The following CACNA1D variants were observed in gnomAD, a reference collection of about 807,000 sequenced individuals.
CACNA1D encodes calcium voltage-gated channel subunit alpha1 D.
CACNA1D carries 55 observed loss-of-function variants against 257.1 expected under a neutral mutation model. The ratio of observed to expected loss-of-function variants is 0.21; its 90% CI spans 0.17 to 0.27. The LOEUF (loss-of-function observed/expected upper bound fraction) is 0.27. Ranked by LOEUF, CACNA1D falls within the 10% of genes least tolerant of loss-of-function variation. The probability of loss-of-function intolerance (pLI) is 1.00; values close to 1 mark genes in which losing one functional copy is unlikely to be tolerated. For missense variants in CACNA1D, 1,876 were observed against 2,784.0 expected, an observed-to-expected ratio of 0.67 and a Z score of 7.34; for synonymous variants, 980 against 1,014.9, an observed-to-expected ratio of 0.97 and a Z score of 0.65.
At chr3:53,596,499 A>G (rs770768703) in intron 3 of CACNA1D, among the ~76,000 whole-genome samples, 3 of 152,166 alleles carry the variant, frequency 2.0e-5, no homozygotes, top group Non-Finnish European at 4.4e-5. Context: ...ACATGGCAAA[A>G]GGGATGTTGC....
chr3:53,563,100 T>G (rs2092769528), intron 3 of CACNA1D, among the ~76,000 whole-genome samples: 1 of 152,204 alleles, frequency 6.6e-6, no homozygotes, highest in Non-Finnish European at 1.5e-5. Flanking sequence ...TATTTAAAGT[T>G]TAACTCAAGA....
intron 3 of CACNA1D, among the ~76,000 whole-genome samples, chr3:53,640,671 G>T (rs560514128): frequency 1.3e-5 from 2 of 152,316 alleles, no homozygotes; most frequent in South Asian, 4.1e-4. Context: ...GTGCTCAATT[G>T]TTTGTTGATA....
chr3:53,579,896 G>A (rs931201433), intron 3 of CACNA1D, among the ~76,000 whole-genome samples: 7 of 152,270 alleles, frequency 4.6e-5, no homozygotes, highest in Admixed American at 4.6e-4. Context: ...TGTGCTGAGT[G>A]TCTTGGAACT....
intron 3 of CACNA1D, among the ~76,000 whole-genome samples, chr3:53,551,762 C>T (rs1473963900): frequency 6.6e-6 from 1 of 152,216 alleles, no homozygotes; most frequent in Non-Finnish European, 1.5e-5. Context: ...AGGCTGGACT[C>T]CTACCTAACA....
At chr3:53,756,247 A>G (rs531841084) in intron 29 of CACNA1D, among the ~76,000 whole-genome samples, 2 of 152,360 alleles carry the variant, frequency 1.3e-5, no homozygotes, top group South Asian at 4.1e-4. Context: ...GACTTATTTT[A>G]TGTAAGGGAG....
At chr3:53,595,358 C>T (rs1228471723) in intron 3 of CACNA1D, among the ~76,000 whole-genome samples, 1 of 152,158 alleles carries the variant, frequency 6.6e-6, no homozygotes, top group Admixed American at 6.5e-5. Context: ...TTTGGAAGAA[C>T]AGGATGGACA....
chr3:53,497,411 A>G lies in CACNA1D; in HGVS notation c.327A>G (p.Leu109=), dbSNP rs1194537262. ...GACCTGCCCGCGCCCTTTTCTGTTT[A>G]TCACTCAATAACCCCATCCGAAGAG... ...NSRPARALFC[L]SLNNPIRRAC... is the part of the protein sequence containing the mutation. The change falls in exon 2 of 48, where the codon TTA becomes TTG. Residue 109 remains leucine (L), a synonymous_variant. Transcript: ENST00000350061. 1.9e-6 allele frequency: 3 copies of G among 1,614,118 alleles called. No homozygotes were observed. In the African/African-American group the frequency reaches 4.0e-5, roughly 22 times the overall value.
At chr3:53,727,657 T>TTTCCC (rs2094949008) in intron 15 of CACNA1D, among the ~76,000 whole-genome samples, 1 of 152,006 alleles carries the variant, frequency 6.6e-6, no homozygotes, top group Non-Finnish European at 1.5e-5. Flanking sequence ...GTTCTCGGTG[T>TTTCCC]TTTATCTCCA....
chr3:53,687,837 C>CATTAAAGA (rs2094486510), intron 8 of CACNA1D, among the ~76,000 whole-genome samples: 1 of 152,072 alleles, frequency 6.6e-6, no homozygotes, highest in African/African-American at 2.4e-5. Context: ...AGTAAGTACA[C>CATTAAAGA]ATTAAAGATG....
intron 8 of CACNA1D, among the ~76,000 whole-genome samples, chr3:53,696,783 A>G (rs181500681): frequency 1.3e-5 from 2 of 152,168 alleles, no homozygotes; most frequent in Non-Finnish European, 2.9e-5. Context: ...TAAGGTGTGC[A>G]TTTATAGGAT....
At chr3:53,667,340 T>TG (rs3836508) in intron 7 of CACNA1D, among the ~76,000 whole-genome samples, 59,405 of 152,052 alleles carry the variant, frequency 0.39, 12,580 homozygotes, top group African/African-American at 0.57. Flanking sequence ...AGAATGCAAA[T>TG]AAAGCTCACA....
At chr3:53,665,587 G>C (rs577311081) in intron 5 of CACNA1D, 73 bp from the exon 6 acceptor site, 3 of 1,160,950 alleles carry the variant, frequency 2.6e-6, no homozygotes, top group African/African-American at 3.0e-5. Flanking sequence ...AGGAGGCATG[G>C]TTAGGAATTA....
intron 3 of CACNA1D, among the ~76,000 whole-genome samples, chr3:53,554,991 GATA>G: frequency 6.6e-6 from 1 of 152,270 alleles, no homozygotes; most frequent in East Asian, 1.9e-4. Context: ...CATTGTGAAT[GATA>G]ATATCATTTT....
At chr3:53,620,456 A>G (rs2108030515) in intron 3 of CACNA1D, among the ~76,000 whole-genome samples, 1 of 152,176 alleles carries the variant, frequency 6.6e-6, no homozygotes, top group African/African-American at 2.4e-5. Flanking sequence ...ACCTGGCTAT[A>G]TATTTTTTCT....
At chr3:53,576,592 A>T (rs564131826) in intron 3 of CACNA1D, among the ~76,000 whole-genome samples, 1 of 152,348 alleles carries the variant, frequency 6.6e-6, no homozygotes, top group East Asian at 1.9e-4. Flanking sequence ...CCTTCCAGCC[A>T]TCACCTCAAA....
chr3:53,523,117 G>A (rs550558465), intron 3 of CACNA1D, among the ~76,000 whole-genome samples: 1 of 152,314 alleles, frequency 6.6e-6, no homozygotes, highest in East Asian at 1.9e-4. Context: ...TGTTTTGGGT[G>A]GGTACTTCAT....
chr3:53,667,671 T>C (rs2094281083), intron 7 of CACNA1D, among the ~76,000 whole-genome samples: 1 of 152,234 alleles, frequency 6.6e-6, no homozygotes, highest in Admixed American at 6.5e-5. Flanking sequence ...ATTGTAGATG[T>C]CCCTATATAT....
At chr3:53,807,045 G>A (rs2095569793) in intron 45 of CACNA1D, among the ~76,000 whole-genome samples, 1 of 151,686 alleles carries the variant, frequency 6.6e-6, no homozygotes, top group Admixed American at 6.5e-5. Flanking sequence ...CTGCCCCGCA[G>A]CTCAGACCTT....
intron 8 of CACNA1D, among the ~76,000 whole-genome samples, chr3:53,676,319 C>T (rs1057314127): frequency 1.3e-5 from 2 of 152,164 alleles, no homozygotes; most frequent in Admixed American, 6.5e-5. Flanking sequence ...TGCTACTCCC[C>T]TCTTACTTTC....
Sources: gnomAD v4.1 joint callset for allele counts (sites outside exome capture counted in the v4.1 genomes callset) on GRCh38, gnomAD v4.1.1 for gene constraint, MANE v1.5 for transcripts, NCBI Gene and HGNC (gene_info 2026-07-23, HGNC 2026-07-21) for gene names.